CEP162: variants seen among roughly 807,000 people sequenced by gnomAD.
CEP162 encodes the protein centrosomal protein of 162 kDa.
In CEP162, 141 loss-of-function variants were observed where a neutral mutation model predicts 169.2. The observed-to-expected ratio is 0.83, with a 90% CI of 0.73 to 0.96. CEP162 has a LOEUF of 0.96. CEP162 is among the 40% of genes least tolerant of loss of function. The probability of loss-of-function intolerance (pLI) is 0.00; values close to 1 mark genes in which losing one functional copy is unlikely to be tolerated. For synonymous variants in CEP162, 540 were observed against 526.4 expected (o/e 1.03, Z -0.35); for missense variants, 1,600 against 1,587.2 (o/e 1.01, Z -0.14).
At chr6:84,223,099 G>C (rs2099554354) in intron 2 of CEP162, among the ~76,000 whole-genome samples, 1 of 152,172 alleles carries the variant, frequency 6.6e-6, no homozygotes, top group Non-Finnish European at 1.5e-5. Flanking sequence ...AAGAAAAAAA[G>C]AAATGAAGAC....
rs184971584 is a variant in CEP162, at chr6:84,210,983, C to T, written c.571+1974G>A. 9.7e-4 allele frequency among the ~76,000 whole-genome samples: 148 copies of T among 151,842 alleles called. 2 individuals are homozygous for T. Among genetic ancestry groups the T allele is most frequent in the Non-Finnish European group, 2.2e-4 (15 of 67,916 alleles). On this transcript the variant is annotated intron_variant, in intron 6 of 26. Coordinates refer to ENST00000403245, the MANE Select transcript of CEP162 (RefSeq NM_014895.4). Reference sequence around the variant, plus strand: ...CTCTTTAAAAGAAGAAAATAAAATCCAGACACTGAATAACATAAAATTCAC... The same window carrying T: ...CTCTTTAAAAGAAGAAAATAAAATCTAGACACTGAATAACATAAAATTCAC...
chr6:84,168,738 T>G (rs1384526045), intron 18 of CEP162, among the ~76,000 whole-genome samples: 2 of 152,182 alleles, frequency 1.3e-5, no homozygotes, highest in Non-Finnish European at 2.9e-5. Context: ...CTCCTTCTAT[T>G]GATAAATACT....
chr6:84,209,443 C>T (rs1447293854), intron 6 of CEP162, among the ~76,000 whole-genome samples: 3 of 151,122 alleles, frequency 2.0e-5, no homozygotes, highest in Non-Finnish European at 4.4e-5. Context: ...GGCACGATCT[C>T]GGCTCACTGC....
intron 13 of CEP162, among the ~76,000 whole-genome samples, chr6:84,180,599 T>C (rs1027156630): frequency 8.6e-5 from 13 of 150,716 alleles, no homozygotes; most frequent in African/African-American, 1.9e-4. Flanking sequence ...GAATACCCCA[T>C]TGTCTCAGCC....
chr6:84,126,018 T>A (rs2099508806), intron 26 of CEP162, among the ~76,000 whole-genome samples: 1 of 152,186 alleles, frequency 6.6e-6, no homozygotes, highest in Admixed American at 6.6e-5. Flanking sequence ...CTATATATTT[T>A]AAATAATCAT....
At chr6:84,157,650 G>A (rs2099523758) in intron 21 of CEP162, among the ~76,000 whole-genome samples, 1 of 152,112 alleles carries the variant, frequency 6.6e-6, no homozygotes, top group South Asian at 2.1e-4. Flanking sequence ...CTGAGTGACA[G>A]GGTGAGACAA....
At chr6:84,169,546 A>C (rs2099529162) in intron 17 of CEP162, 113 bp from the exon 18 acceptor site, 1 of 561,264 alleles carries the variant, frequency 1.8e-6, no homozygotes, top group Non-Finnish European at 3.0e-6. Flanking sequence ...AACTGTATGC[A>C]TAAATGAAGG....
intron 13 of CEP162, among the ~76,000 whole-genome samples, chr6:84,180,573 C>A (rs1226360955): frequency 7.3e-5 from 11 of 150,616 alleles, no homozygotes; most frequent in Admixed American, 2.0e-4. Flanking sequence ...TTGCAGATGA[C>A]ATGATTGTGT....
At chr6:84,135,930 C>G (rs1027152649) in intron 25 of CEP162, among the ~76,000 whole-genome samples, 2 of 152,180 alleles carry the variant, frequency 1.3e-5, no homozygotes, top group Non-Finnish European at 2.9e-5. Context: ...CATGTGCCTT[C>G]GTGCTTTGTA....
intron 3 of CEP162, chr6:84,219,217 A>G (rs1473677032): frequency 8.6e-7 from 1 of 1,158,396 alleles, no homozygotes; most frequent in East Asian, 5.7e-5. Context: ...AATAATGCCT[A>G]GTATTTAGAA....
Position 84,146,965 on chromosome 6 carries a change from C to T in CEP162, c.3772-180G>A, listed in dbSNP as rs75062356. Among the ~76,000 whole-genome samples the T allele has an allele frequency of 3.8e-3, 578 of 152,054 alleles. 1 individual carries two copies. Among genetic ancestry groups the T allele is most frequent in the African/African-American group, 0.013 (546 of 41,514 alleles). On this transcript the variant is annotated intron_variant, in intron 24 of 26. Coordinates refer to ENST00000403245, the MANE Select transcript of CEP162 (RefSeq NM_014895.4). ...CTCAAAAAACTAAAAATAGAATTAC[C>T]GTATTATCTAGCAATCCCACTACTG...
chr6:84,194,694 C>T (rs974391791), intron 10 of CEP162, among the ~76,000 whole-genome samples, 190 bp downstream of exon 10: 1 of 152,078 alleles, frequency 6.6e-6, no homozygotes, highest in African/African-American at 2.4e-5. Flanking sequence ...CCTCGTGATC[C>T]ACCCACCTCG....
chr6:84,183,989 G>C (rs776456804), intron 13 of CEP162, among the ~76,000 whole-genome samples: 5 of 151,874 alleles, frequency 3.3e-5, no homozygotes, highest in Non-Finnish European at 7.4e-5. Context: ...GAGAAAACTG[G>C]AGCTATCACA....
intron 13 of CEP162, among the ~76,000 whole-genome samples, chr6:84,181,675 C>G (rs987595588): frequency 1.3e-5 from 2 of 152,018 alleles, no homozygotes; most frequent in Non-Finnish European, 2.9e-5. Context: ...CAAAATAATT[C>G]TACAATAGAG....
chr6:84,154,354 G>T (rs188447310), intron 22 of CEP162, among the ~76,000 whole-genome samples: 1 of 150,118 alleles, frequency 6.7e-6, no homozygotes. Context: ...CTGTCTGTCT[G>T]TCTGTCTATC....
At chr6:84,188,561 C>T (rs967648976) in intron 11 of CEP162, among the ~76,000 whole-genome samples, 1 of 152,172 alleles carries the variant, frequency 6.6e-6, no homozygotes, top group African/African-American at 2.4e-5. Flanking sequence ...AGAACGTGAC[C>T]TCATTCGTTT....
intron 6 of CEP162, among the ~76,000 whole-genome samples, chr6:84,211,082 A>G (rs2099549225): frequency 2.0e-5 from 3 of 152,216 alleles, no homozygotes; most frequent in Admixed American, 2.0e-4. Context: ...TAAATAGCCA[A>G]CAGAAAAGAC....
chr6:84,180,106 G>A (rs2129227012), intron 13 of CEP162, among the ~76,000 whole-genome samples: 1 of 152,250 alleles, frequency 6.6e-6, no homozygotes, highest in South Asian at 2.1e-4. Context: ...TGAAATACTG[G>A]CAAACCGAAT....
Position 84,161,765 on chromosome 6 carries a change from A to T in CEP162, c.2657T>A (p.Ile886Asn). 3 of 1,593,964 alleles carry T rather than the reference A, an allele frequency of 1.9e-6. No homozygotes were observed. Among genetic ancestry groups the T allele is most frequent in the African/African-American group, 2.7e-5 (2 of 74,594 alleles). ...ALRLREANEE[I>N]EKLKLEIEKL... ...TATTACCTCAAGTTTGAGCTTCTCA[A>T]TTTCCTCATTTGCTTCTCTAAGCCG... The change falls in exon 20 of 27, where the codon ATT becomes AAT. Residue 886 changes from isoleucine to asparagine, a missense_variant. By Grantham distance (149) the Ile-to-Asn change is moderately radical. Coordinates refer to ENST00000403245, the MANE Select transcript of CEP162 (RefSeq NM_014895.4).
Sources: allele counts gnomAD v4.1 joint callset (sites outside exome capture counted in the v4.1 genomes callset), GRCh38; gene constraint gnomAD v4.1.1; transcripts MANE v1.5; gene names NCBI Gene and HGNC (gene_info 2026-07-23, HGNC 2026-07-21).